The following CHD1L variants were observed in gnomAD, a reference collection of about 807,000 sequenced individuals.
CHD1L encodes the protein ATP-dependent chromatin remodeler CHD1L.
In CHD1L, 118 loss-of-function variants were observed where a neutral mutation model predicts 115.9. The observed-to-expected ratio is 1.02, with a 90% confidence interval of 0.88 to 1.19. The LOEUF is 1.19. Ranked by LOEUF, CHD1L falls within the 50% of genes most tolerant of loss-of-function variation. The pLI, the probability that CHD1L is intolerant of heterozygous loss-of-function variation, is 0.00. For missense variants in CHD1L, 1,179 were observed against 1,065.3 expected, an observed-to-expected ratio of 1.11 and a Z score of -1.49; for synonymous variants, 411 against 387.1, an observed-to-expected ratio of 1.06 and a Z score of -0.72.
intron 14 of CHD1L, among the ~76,000 whole-genome samples, chr1:147,276,938 G>A (rs1324004855): frequency 1.3e-5 from 2 of 152,166 alleles, no homozygotes; most frequent in Non-Finnish European, 2.9e-5. Flanking sequence ...AGGTATGAAG[G>A]GAGTAATAAA....
At position 147,295,470 on chromosome 1, in the gene CHD1L, A is replaced by AG; in HGVS notation, c.2655_2656insG (p.Gln886AlafsTer88). 5 of 1,611,740 alleles carry AG rather than the reference A, an allele frequency of 3.1e-6. No homozygotes were observed. The highest frequency in any genetic ancestry group is 4.2e-6 in the Non-Finnish European group (5 of 1,178,706). ...GAAGCAAGTCTGCTGTCCTTCATTCACAGTCTTCATCTTCCTCCTCAAGAC... is the reference window on the plus strand; with the variant it reads ...GAAGCAAGTCTGCTGTCCTTCATTCAGCAGTCTTCATCTTCCTCCTCAAGAC... On this transcript the variant is annotated frameshift_variant, in exon 23 of 23. Transcript: ENST00000369258. LOFTEE classifies it low-confidence loss of function (END_TRUNC).
chr1:147,183,583 C>T, the CHD1L span, among the ~76,000 whole-genome samples: 1 of 152,134 alleles, frequency 6.6e-6, no homozygotes, highest in Non-Finnish European at 1.5e-5. Flanking sequence ...TTGAGAAGAA[C>T]ACTAGTTGTA....
chr1:147,249,494 C>T (rs1381274719), intron 1 of CHD1L, among the ~76,000 whole-genome samples: 1 of 149,252 alleles, frequency 6.7e-6, no homozygotes, highest in Non-Finnish European at 1.5e-5. Context: ...CAACCTCCGC[C>T]TCCTGGGTTC....
chr1:147,293,527 T>A, intron 20 of CHD1L, 81 bp from the exon 21 acceptor site: 1 of 1,134,712 alleles, frequency 8.8e-7, no homozygotes. Flanking sequence ...CATCAAGGGC[T>A]GTGCCGCCTC....
At chr1:147,272,076 G>A (rs1676455476) in intron 11 of CHD1L, 95 bp from the exon 12 acceptor site, 2 of 956,394 alleles carry the variant, frequency 2.1e-6, no homozygotes, top group South Asian at 1.7e-5. Flanking sequence ...TATGGAAAGG[G>A]ACAAAATTGG....
At chr1:147,225,135 TG>T in the CHD1L span, 1 of 1,576,104 alleles carries the variant, frequency 6.3e-7, no homozygotes, top group South Asian at 1.2e-5. Flanking sequence ...ACCTTGGCCG[TG>T]GCATTCGAAT....
the CHD1L span, chr1:147,203,136 A>G: frequency 8.0e-6 from 4 of 498,512 alleles, no homozygotes; most frequent in Admixed American, 1.1e-4. Context: ...TGACAGTAAC[A>G]ATATGTTTAT....
At chr1:147,259,943 T>G (rs782108472) in intron 6 of CHD1L, 25 bp downstream of exon 6, 1 of 1,545,174 alleles carries the variant, frequency 6.5e-7, no homozygotes, top group South Asian at 1.1e-5. Context: ...TAGCCTTAGT[T>G]TTTATATAAC....
At chr1:147,184,633 G>A in the CHD1L span, 11 of 1,535,502 alleles carry the variant, frequency 7.2e-6, no homozygotes, top group South Asian at 1.4e-4. The surrounding 1 kb of genome is among the most constrained non-coding windows in gnomAD (Gnocchi z 4.4). Context: ...TGGTTAGACT[G>A]CATTATGGTT....
chr1:147,272,473 GAAGT>G, intron 12 of CHD1L, 192 bp downstream of exon 12: 1 of 472,046 alleles, frequency 2.1e-6, no homozygotes, highest in South Asian at 4.1e-5. Flanking sequence ...TCTCAGCAAA[GAAGT>G]AAGGCTGAAA....
chr1:147,192,389 C>T, the CHD1L span, among the ~76,000 whole-genome samples: 4 of 152,126 alleles, frequency 2.6e-5, no homozygotes, highest in African/African-American at 7.2e-5. Flanking sequence ...TGAAGTTGCT[C>T]ATCAGCTTAA....
At chr1:147,281,032 C>T (rs587643533) in intron 15 of CHD1L, among the ~76,000 whole-genome samples, 1 of 152,112 alleles carries the variant, frequency 6.6e-6, no homozygotes, top group East Asian at 1.9e-4. Flanking sequence ...TTGTAGTTCT[C>T]TTTTGTTTCT....
chr1:147,180,490 G>A, the CHD1L span, among the ~76,000 whole-genome samples: 3 of 152,248 alleles, frequency 2.0e-5, no homozygotes, highest in African/African-American at 2.4e-5. Context: ...ATGGGGTTTC[G>A]CCATTCCGGC....
chr1:147,233,258 C>G, the CHD1L span, among the ~76,000 whole-genome samples: 3 of 152,078 alleles, frequency 2.0e-5, no homozygotes, highest in African/African-American at 7.2e-5. Context: ...AGCCCCTCCG[C>G]CCGGCAGCCG....
At chr1:147,258,373 T>C (rs1468295232) in intron 5 of CHD1L, among the ~76,000 whole-genome samples, 1 of 152,212 alleles carries the variant, frequency 6.6e-6, no homozygotes, top group Non-Finnish European at 1.5e-5. Context: ...AACAAGCATT[T>C]TTTGGACACC....
chr1:147,291,007 A>G (rs1179336915), intron 19 of CHD1L, among the ~76,000 whole-genome samples: 1 of 152,216 alleles, frequency 6.6e-6, no homozygotes, highest in Non-Finnish European at 1.5e-5. Flanking sequence ...CCGCTTTCAC[A>G]TCAGCTTATG....
intron 6 of CHD1L, 26 bp from the exon 7 acceptor site, chr1:147,264,396 T>G (rs1673100518): frequency 6.5e-7 from 1 of 1,542,226 alleles, no homozygotes; most frequent in South Asian, 1.2e-5. Context: ...TATGGAATTT[T>G]TATTTTATTT....
At chr1:147,231,065 C>T in the CHD1L span, among the ~76,000 whole-genome samples, 2 of 152,066 alleles carry the variant, frequency 1.3e-5, no homozygotes, top group Non-Finnish European at 2.9e-5. Flanking sequence ...AATGTGTTCG[C>T]TCTTGCTTCT....
chr1:147,236,561 T>C, the CHD1L span, among the ~76,000 whole-genome samples: 4 of 152,064 alleles, frequency 2.6e-5, no homozygotes, highest in African/African-American at 9.7e-5. Flanking sequence ...CATTGAGTGT[T>C]CAGTTCTCAG....
Sources: allele counts gnomAD v4.1 joint callset (sites outside exome capture counted in the v4.1 genomes callset), GRCh38; gene constraint gnomAD v4.1.1; non-coding constraint Gnocchi (gnomAD v3.1); transcripts MANE v1.5; gene names NCBI Gene and HGNC (gene_info 2026-07-23, HGNC 2026-07-21).